Variants in ZNF469 observed in about 807,000 individuals in gnomAD.
ZNF469 encodes zinc finger protein 469.
A neutral mutation model predicts 1.0 loss-of-function variants in ZNF469; 1 was observed. The observed-to-expected ratio is 1.00, with a 90% CI of 0.35 to 4.73. The LOEUF is 4.73. ZNF469 is among the 30% of genes most tolerant of loss of function. The probability of loss-of-function intolerance (pLI) is 0.16; values close to 1 mark genes in which losing one functional copy is unlikely to be tolerated. For synonymous variants in ZNF469, 2,703 were observed against 2,363.4 expected (o/e 1.14, Z -4.17); for missense variants, 6,100 against 5,356.3 (o/e 1.14, Z -4.33).
chr16:88,312,094 A>T, the ZNF469 span, among the ~76,000 whole-genome samples: 1 of 152,224 alleles, frequency 6.6e-6, no homozygotes, highest in African/African-American at 2.4e-5. Flanking sequence ...ATGAAAACCA[A>T]GTGAAAGGGG....
At chr16:88,336,900 C>T in the ZNF469 span, among the ~76,000 whole-genome samples, 1 of 152,224 alleles carries the variant, frequency 6.6e-6, no homozygotes, top group Admixed American at 6.5e-5. Context: ...CCCGAGTCTA[C>T]CATCTCTGCT....
the ZNF469 span, among the ~76,000 whole-genome samples, chr16:88,224,131 C>G: frequency 6.6e-6 from 1 of 152,174 alleles, no homozygotes; most frequent in Non-Finnish European, 1.5e-5. Context: ...GGGAGCCGAG[C>G]TCCTTCTGCA....
Position 88,383,023 on chromosome 16 carries a change from G to T in ZNF469, c.-423G>T, listed in dbSNP as rs1254396637. Among the ~76,000 whole-genome samples, 2 of 151,872 alleles carry T rather than the reference G, an allele frequency of 1.3e-5. No homozygotes were observed. Among genetic ancestry groups the T allele is most frequent in the African/African-American group, 2.4e-5 (1 of 41,416 alleles). On this transcript the variant is annotated 5_prime_UTR_variant, in exon 1 of 3. Transcript: ENST00000565624. ...ACCCGGCCCAGGGCTGGAGCTGGCTGCAGGGCTGGCCCGCGGCGACCTGGG... is the reference window on the plus strand; with the variant it reads ...ACCCGGCCCAGGGCTGGAGCTGGCTTCAGGGCTGGCCCGCGGCGACCTGGG...
chr16:88,108,284 G>C, the ZNF469 span, among the ~76,000 whole-genome samples: 29 of 151,526 alleles, frequency 1.9e-4, no homozygotes, highest in Admixed American at 1.9e-3. Flanking sequence ...GGTGCACAGA[G>C]GACGCCTTCC....
At chr16:88,310,622 GC>G in the ZNF469 span, among the ~76,000 whole-genome samples, 2 of 149,826 alleles carry the variant, frequency 1.3e-5, no homozygotes, top group Non-Finnish European at 3.0e-5. Context: ...TCGCTCTGTT[GC>G]CCAGGCTGGA....
intron 1 of ZNF469, among the ~76,000 whole-genome samples, chr16:88,393,473 C>G (rs1041519016): frequency 2.0e-5 from 3 of 152,174 alleles, no homozygotes; most frequent in Admixed American, 2.0e-4. Context: ...AGAGGGCACC[C>G]AGGGGGGCCT....
the ZNF469 span, among the ~76,000 whole-genome samples, chr16:88,213,249 C>A: frequency 6.6e-6 from 1 of 152,120 alleles, no homozygotes; most frequent in South Asian, 2.1e-4. Flanking sequence ...CAGGCGCCCG[C>A]CACCACGCCC....
the ZNF469 span, among the ~76,000 whole-genome samples, chr16:88,148,582 T>A: frequency 6.6e-6 from 1 of 152,160 alleles, no homozygotes; most frequent in Non-Finnish European, 1.5e-5. Flanking sequence ...ATGGGACCCT[T>A]TCTCCAGGGT....
chr16:88,345,635 G>T, the ZNF469 span, among the ~76,000 whole-genome samples: 1 of 152,104 alleles, frequency 6.6e-6, no homozygotes, highest in Non-Finnish European at 1.5e-5. Flanking sequence ...GTCGCCACGG[G>T]GTCCATTTCA....
the ZNF469 span, among the ~76,000 whole-genome samples, chr16:88,242,596 A>C: frequency 6.6e-6 from 1 of 152,194 alleles, no homozygotes; most frequent in Non-Finnish European, 1.5e-5. Context: ...TAGGACTTCT[A>C]CATGTGCACT....
chr16:88,167,853 C>T, the ZNF469 span, among the ~76,000 whole-genome samples: 1 of 152,222 alleles, frequency 6.6e-6, no homozygotes, highest in African/African-American at 2.4e-5. Flanking sequence ...CTCCTTACAG[C>T]GATGATCTGA....
chr16:88,436,169 A>G lies in ZNF469; in HGVS notation c.8699A>G (p.Asp2900Gly), dbSNP rs1240416472. 6.5e-7 allele frequency: 1 copy of G among 1,547,360 alleles called. No homozygotes were observed. Among genetic ancestry groups the G allele is most frequent in the East Asian group, 2.4e-5 (1 of 40,906 alleles). Residue 2900 changes from aspartate (D) to glycine (G), a missense_variant, in exon 3 of 3, where the codon GAC (aspartate) becomes GGC (glycine). Coordinates refer to ENST00000565624, the MANE Select transcript of ZNF469 (RefSeq NM_001367624.2). Reference protein sequence around the residue: ...PTQPSFEEGGDPTLGPARLPT... With the variant: ...PTQPSFEEGGGPTLGPARLPT... ...CAGCCCAGCTTTGAGGAGGGCGGTG[A>G]CCCCACGCTGGGCCCAGCCCGCCTG...
At chr16:88,243,911 C>CATATATATATATATAT in the ZNF469 span, among the ~76,000 whole-genome samples, 5 of 26,274 alleles carry the variant, frequency 1.9e-4, no homozygotes, top group Admixed American at 7.9e-4. Context: ...TGGCTGGATG[C>CATATATATATATATAT]ATATATATAT....
chr16:88,282,084 T>C, the ZNF469 span, among the ~76,000 whole-genome samples: 1 of 151,990 alleles, frequency 6.6e-6, no homozygotes, highest in African/African-American at 2.4e-5. Context: ...CTGGCATTGG[T>C]GTATAGTGTA....
chr16:88,329,952 A>G, the ZNF469 span, among the ~76,000 whole-genome samples: 2 of 152,202 alleles, frequency 1.3e-5, no homozygotes, highest in African/African-American at 4.8e-5. Flanking sequence ...AAAGGAACGT[A>G]GTCTGATGCA....
At chr16:88,152,866 A>C in the ZNF469 span, among the ~76,000 whole-genome samples, 3 of 151,936 alleles carry the variant, frequency 2.0e-5, no homozygotes, top group South Asian at 6.2e-4. The surrounding 1 kb of genome is among the most constrained non-coding windows in gnomAD (Gnocchi z 4.2). Context: ...GACTTAAACC[A>C]TTTGCGTTTT....
chr16:88,289,785 G>A, the ZNF469 span, among the ~76,000 whole-genome samples: 1 of 152,194 alleles, frequency 6.6e-6, no homozygotes, highest in Non-Finnish European at 1.5e-5. Flanking sequence ...GCAGAAACTG[G>A]CAGATGCGCA....
At chr16:88,122,181 G>A in the ZNF469 span, among the ~76,000 whole-genome samples, 605 of 140,174 alleles carry the variant, frequency 4.3e-3, 20 homozygotes, top group African/African-American at 0.016. Context: ...GCAACCACTC[G>A]GATTGCATCC....
At chr16:88,197,215 G>T in the ZNF469 span, among the ~76,000 whole-genome samples, 1 of 152,164 alleles carries the variant, frequency 6.6e-6, no homozygotes. Flanking sequence ...TTTGGCCTCC[G>T]AGTGGAGCAA....
Sources: gnomAD v4.1 joint callset for allele counts (sites outside exome capture counted in the v4.1 genomes callset) on GRCh38, gnomAD v4.1.1 for gene constraint, Gnocchi (gnomAD v3.1) non-coding constraint, MANE v1.5 for transcripts, NCBI Gene and HGNC (gene_info 2026-07-23, HGNC 2026-07-21) for gene names.